The following SYBU variants were observed in gnomAD, a reference collection of about 807,000 sequenced individuals.
SYBU encodes the protein syntabulin, also known as GOLSYN A protein.
SYBU carries 21 observed loss-of-function variants against 35.9 expected under a neutral mutation model. The observed-to-expected ratio is 0.58, with a 90% CI of 0.41 to 0.84. The LOEUF (loss-of-function observed/expected upper bound fraction) is 0.84. SYBU is among the 40% of genes least tolerant of loss of function. SYBU has a pLI of 0.00. For missense variants in SYBU, 768 were observed against 848.2 expected (o/e 0.91, Z 1.17); for synonymous variants, 319 against 324.3 (o/e 0.98, Z 0.18).
intron 3 of SYBU, among the ~76,000 whole-genome samples, chr8:109,604,469 C>T (rs1197675633): frequency 6.6e-6 from 1 of 152,120 alleles, no homozygotes; most frequent in African/African-American, 2.4e-5. Context: ...TATTGTTGTA[C>T]CCAGTGCCTG....
chr8:109,606,156 G>A (rs1387519224), intron 3 of SYBU, among the ~76,000 whole-genome samples: 1 of 152,140 alleles, frequency 6.6e-6, no homozygotes, highest in African/African-American at 2.4e-5. Context: ...CCATCAAAAT[G>A]TTAAGCACAT....
rs368534252 is a variant in SYBU at position 109,586,089 on chromosome 8, C to T, written c.501G>A (p.Ala167=). ...GTGAAGAAGAAGACCGCTTGCTTCC[C>T]GCAGTCGACATATGGACCTCAGGAG... is the stretch of plus-strand genomic sequence containing the variant. ...ISAPEVHMST[A]GSKRSSSSRN... The change falls in exon 4 of 7, where the codon GCG becomes GCA. Residue 167 remains alanine, a synonymous_variant. Coordinates refer to ENST00000276646, the MANE Select transcript of SYBU (RefSeq NM_001099754.2). 31 of 1,611,592 alleles carry T rather than the reference C, an allele frequency of 1.9e-5. 1 individual carries two copies. The highest frequency in any genetic ancestry group is 1.3e-4 in the African/African-American group (10 of 74,872).
At chr8:109,676,885 G>A (rs1265612518) in intron 1 of SYBU, among the ~76,000 whole-genome samples, 2 of 152,144 alleles carry the variant, frequency 1.3e-5, no homozygotes, top group Non-Finnish European at 2.9e-5. Flanking sequence ...GGTATTTATT[G>A]GATTGCTTTG....
chr8:109,590,143 A>G (rs963578979), intron 3 of SYBU, among the ~76,000 whole-genome samples: 3 of 152,202 alleles, frequency 2.0e-5, no homozygotes, highest in African/African-American at 7.2e-5. Context: ...AAGCACAGCT[A>G]TTAAGGAGCA....
intron 1 of SYBU, among the ~76,000 whole-genome samples, chr8:109,666,891 A>T (rs1368299113): frequency 6.6e-6 from 1 of 152,174 alleles, no homozygotes; most frequent in African/African-American, 2.4e-5. Context: ...TTCATATGAG[A>T]TTCTCTTGTA....
intron 3 of SYBU, among the ~76,000 whole-genome samples, chr8:109,605,689 T>A (rs2130137319): frequency 6.6e-6 from 1 of 152,362 alleles, no homozygotes; most frequent in African/African-American, 2.4e-5. Flanking sequence ...TGGTTTTATG[T>A]ATTTTTTTGG....
intron 2 of SYBU, among the ~76,000 whole-genome samples, chr8:109,639,349 AGT>A (rs796223455): frequency 6.7e-6 from 1 of 149,868 alleles, no homozygotes; most frequent in African/African-American, 2.6e-5. Flanking sequence ...TTTTTAAAAA[AGT>A]AAAAATTTTA....
At position 109,615,997 on chromosome 8, in the gene SYBU, C is replaced by CTTTCT. The variant is rs1268400259; in HGVS notation, c.427+2844_427+2845insAGAAA. 6.0e-3 allele frequency among the ~76,000 whole-genome samples: 572 copies of CTTTCT among 95,792 alleles called. 37 individuals carry two copies. The highest frequency in any genetic ancestry group is 0.016 in the African/African-American group (332 of 20,568). The allele number at this position is 95,792 out of a possible 152,430, so 62.8% of individuals were successfully genotyped here. A position where few individuals can be genotyped will look rare whatever the true frequency, so the allele number is the denominator to read the frequency against. On this transcript the variant is annotated intron_variant, in intron 3 of 6. Coordinates refer to ENST00000276646, the MANE Select transcript of SYBU (RefSeq NM_001099754.2). ...TATTCCCTGTAATTTCTTTTCTTTT[C>CTTTCT]TTTTCTTTCTTTTTTTTTTTTTTTT...
intron 1 of SYBU, 86 bp downstream of exon 1, chr8:109,644,550 C>G (rs1410373709): frequency 1.8e-5 from 26 of 1,442,206 alleles, no homozygotes; most frequent in Non-Finnish European, 2.4e-5. Flanking sequence ...TAAATGTCAC[C>G]CCTCCAGCTC....
chr8:109,582,003 A>G (rs186473830), intron 4 of SYBU, among the ~76,000 whole-genome samples: 76 of 152,350 alleles, frequency 5.0e-4, no homozygotes, highest in African/African-American at 1.6e-3. Context: ...TGAAAGGAAC[A>G]TGTACCCTGG....
chr8:109,675,678 A>G (rs1224780042), intron 1 of SYBU, among the ~76,000 whole-genome samples: 2 of 152,228 alleles, frequency 1.3e-5, no homozygotes, highest in Admixed American at 1.3e-4. Context: ...GCCCAGGACC[A>G]GAAGGATTCA....
chr8:109,648,308 A>G (rs986569219), upstream of SYBU, among the ~76,000 whole-genome samples: 24 of 145,940 alleles, frequency 1.6e-4, no homozygotes, highest in Non-Finnish European at 1.8e-4. Context: ...AAAGCACAGG[A>G]GAGATAGGGT....
intron 1 of SYBU, among the ~76,000 whole-genome samples, chr8:109,676,525 G>C (rs116162873): frequency 2.6e-5 from 4 of 152,264 alleles, no homozygotes; most frequent in African/African-American, 9.6e-5. Flanking sequence ...TTATCATGTA[G>C]TTGGTTACCA....
chr8:109,672,522 G>T (rs1817022433), intron 1 of SYBU, among the ~76,000 whole-genome samples: 1 of 152,198 alleles, frequency 6.6e-6, no homozygotes, highest in Admixed American at 6.5e-5. Context: ...TTTTCCCATG[G>T]TCTTCACAAC....
intron 2 of SYBU, among the ~76,000 whole-genome samples, chr8:109,638,439 C>T (rs1296060159): frequency 1.3e-5 from 2 of 152,090 alleles, no homozygotes; most frequent in African/African-American, 4.8e-5. Flanking sequence ...ACAATGTGGG[C>T]TTTATCACTT....
At chr8:109,627,792 G>A (rs1487394963) in intron 2 of SYBU, among the ~76,000 whole-genome samples, 2 of 152,234 alleles carry the variant, frequency 1.3e-5, no homozygotes, top group African/African-American at 4.8e-5. Flanking sequence ...AGAAATTGGA[G>A]GCAAGAAACT....
intron 6 of SYBU, among the ~76,000 whole-genome samples, chr8:109,576,405 T>G (rs1173313915): frequency 6.6e-6 from 1 of 152,234 alleles, no homozygotes; most frequent in Non-Finnish European, 1.5e-5. Context: ...TACTCAATCC[T>G]TAATATTTGA....
At chr8:109,578,498 C>T (rs767955535) in intron 5 of SYBU, among the ~76,000 whole-genome samples, 64 of 152,300 alleles carry the variant, frequency 4.2e-4, no homozygotes, top group Non-Finnish European at 8.2e-4. Context: ...GGTCTTAAAC[C>T]TCAATAATGG....
In SYBU at chr8:109,574,316, T is replaced by C. The variant is rs1821966570; in HGVS notation, c.*590A>G. The C allele has an allele frequency of 6.5e-6, 1 of 152,674 alleles. No homozygotes were observed. The highest frequency in any genetic ancestry group is 2.4e-5 in the African/African-American group (1 of 41,464). The allele number at this position is 152,674 out of a possible 1,614,324, so 9.5% of individuals were successfully genotyped here. A position where few individuals can be genotyped will look rare whatever the true frequency, so the allele number is the denominator to read the frequency against. ...AATAAGTTAGTACATTGTAAACTTA[T>C]GCACAGTTTCATCAATTAACAGTTT... On this transcript the variant is annotated 3_prime_UTR_variant, in exon 7 of 7. Transcript: ENST00000276646.
Sources: allele counts gnomAD v4.1 joint callset (sites outside exome capture counted in the v4.1 genomes callset), GRCh38; gene constraint gnomAD v4.1.1; transcripts MANE v1.5; gene names NCBI Gene and HGNC (gene_info 2026-07-23, HGNC 2026-07-21).